DDX23: variants seen among roughly 807,000 people sequenced by gnomAD.
The protein encoded by DDX23 is probable ATP-dependent RNA helicase DDX23.
DDX23 carries 33 observed loss-of-function variants against 102.7 expected under a neutral mutation model. That is an observed-to-expected ratio of 0.32 (90% CI 0.24 to 0.43). DDX23 has a LOEUF of 0.43. DDX23 is among the 20% of genes least tolerant of loss of function. DDX23 has a pLI of 1.00. For synonymous variants in DDX23, 352 were observed against 376.0 expected (o/e 0.94, Z 0.74); for missense variants, 549 against 1,086.6 (o/e 0.51, Z 6.96).
chr12:48,842,547 G>T (rs1273782698), intron 3 of DDX23, among the ~76,000 whole-genome samples: 1 of 141,324 alleles, frequency 7.1e-6, no homozygotes, highest in African/African-American at 2.6e-5. Context: ...GGAGGGAGGT[G>T]GGGGGGTCAG....
intron 1 of DDX23, among the ~76,000 whole-genome samples, chr12:48,849,592 C>T (rs185494354): frequency 9.1e-4 from 137 of 150,502 alleles, no homozygotes; most frequent in African/African-American, 2.5e-3. Context: ...CCAGGAGGTG[C>T]GGGTTGTTGT....
chr12:48,838,360 G>C (rs1938495404), intron 5 of DDX23, among the ~76,000 whole-genome samples: 1 of 152,104 alleles, frequency 6.6e-6, no homozygotes, highest in African/African-American at 2.4e-5. Context: ...AGACCAGCCT[G>C]GGCAACATAG....
At chr12:48,838,184 T>A in intron 5 of DDX23, 104 bp from the exon 6 acceptor site, 1 of 1,534,824 alleles carries the variant, frequency 6.5e-7, no homozygotes, top group Non-Finnish European at 8.8e-7. Context: ...GCTCAGGCAT[T>A]AAGCCTGTTG....
In DDX23 at chr12:48,836,310, T is replaced by C. The variant is rs370599458; in HGVS notation, c.1237-44A>G. 5 of 1,603,668 alleles carry C rather than the reference T, an allele frequency of 3.1e-6. No individual in the cohort carries two copies. The highest frequency in any genetic ancestry group is 1.3e-5 in the African/African-American group (1 of 74,730). On this transcript the variant is annotated intron_variant, in intron 10 of 16. Transcript: ENST00000308025. The surrounding 1 kb of genome is among the most constrained non-coding windows in gnomAD (Gnocchi z 6.1). Reference sequence around the variant, plus strand: ...AGAGTAATAGGTACAGGGAGAGTTATACCACCTGGGCAACCACTGATAGTA... The same window carrying C: ...AGAGTAATAGGTACAGGGAGAGTTACACCACCTGGGCAACCACTGATAGTA...
chr12:48,835,181 G>C, intron 11 of DDX23: 1 of 273,474 alleles, frequency 3.7e-6, no homozygotes, highest in Non-Finnish European at 7.8e-6. Flanking sequence ...GGCAACGGTT[G>C]CTGTAAGCCA....
intron 3 of DDX23, among the ~76,000 whole-genome samples, chr12:48,843,733 A>G (rs1592203977): frequency 6.6e-6 from 1 of 151,946 alleles, no homozygotes; most frequent in South Asian, 2.1e-4. Context: ...TATATTTAGT[A>G]GAGACGGGGT....
At position 48,832,744 on chromosome 12, in the gene DDX23, A is replaced by G; in HGVS notation, c.1804-171T>C. The G allele has an allele frequency of 4.9e-6, 4 of 814,736 alleles. No homozygotes were observed. The highest frequency in any genetic ancestry group is 5.5e-6 in the Non-Finnish European group (3 of 540,746). The allele number at this position is 814,736 out of a possible 1,614,324, so 50.5% of individuals were successfully genotyped here. A position where few individuals can be genotyped will look rare whatever the true frequency, so the allele number is the denominator to read the frequency against. ...CTCTGAATTCCCATCCTTCCTGAGTACCTGCTCATCAAGGCACTTTCCATC... is the reference window on the plus strand; with the variant it reads ...CTCTGAATTCCCATCCTTCCTGAGTGCCTGCTCATCAAGGCACTTTCCATC... On this transcript the variant is annotated intron_variant, in intron 13 of 16. Coordinates refer to ENST00000308025, the MANE Select transcript of DDX23 (RefSeq NM_004818.3). This position sits in a 1 kb window ranked among gnomAD's most constrained non-coding sequence, Gnocchi z 4.4.
rs1021203834 is a variant in DDX23 at position 48,837,823 on chromosome 12, C to T, written c.619+119G>A. 1.2e-4 allele frequency: 183 copies of T among 1,541,288 alleles called. No individual in the cohort carries two copies. In the East Asian group the frequency reaches 4.1e-3, roughly 34 times the overall value. ...AAAAATGTTTTCTCATAAACTCCCACCATCCTTCCCCTTTCCAAACTCCAG... is the reference window on the plus strand; with the variant it reads ...AAAAATGTTTTCTCATAAACTCCCATCATCCTTCCCCTTTCCAAACTCCAG... On this transcript the variant is annotated intron_variant, in intron 6 of 16. Coordinates refer to ENST00000308025, the MANE Select transcript of DDX23 (RefSeq NM_004818.3).
Position 48,837,590 on chromosome 12 carries a change from C to T in DDX23, c.687G>A (p.Glu229=). 6.2e-7 allele frequency: 1 copy of T among 1,614,168 alleles called. No individual in the cohort carries two copies. The highest frequency in any genetic ancestry group is 8.5e-7 in the Non-Finnish European group (1 of 1,180,030). ...ERMERETNGN[E]DEEGRQKIRE... ...GGATCTTCTGCCGCCCTTCCTCATCCTCATTTCCATTGGTCTCCCGTTCCA... is the reference window on the plus strand; with the variant it reads ...GGATCTTCTGCCGCCCTTCCTCATCTTCATTTCCATTGGTCTCCCGTTCCA... Residue 229 remains glutamate (E), a synonymous_variant, in exon 7 of 17, where the codon GAG becomes GAA. Coordinates refer to ENST00000308025, the MANE Select transcript of DDX23 (RefSeq NM_004818.3).
chr12:48,843,866 G>C (rs1592204034), intron 3 of DDX23, 74 bp downstream of exon 3: 1 of 1,520,680 alleles, frequency 6.6e-7, no homozygotes, highest in East Asian at 2.3e-5. Context: ...ACTTTCATAA[G>C]AAGCTGAGCA....
chr12:48,842,328 C>T, intron 3 of DDX23, among the ~76,000 whole-genome samples: 1 of 141,618 alleles, frequency 7.1e-6, no homozygotes, highest in Admixed American at 6.9e-5. Context: ...AGGGGCGCCT[C>T]TGCCCGGCCG....
intron 8 of DDX23, 23 bp from the exon 9 acceptor site, chr12:48,837,060 G>A (rs747416555): frequency 3.8e-5 from 61 of 1,610,362 alleles, no homozygotes; most frequent in Non-Finnish European, 4.8e-5. Context: ...TAGAGGAAAA[G>A]AAAAAAGAAG....
In DDX23 at chr12:48,836,515, C is replaced by T. The variant is rs528290053; in HGVS notation, c.1236+54G>A. 1.3e-6 allele frequency: 2 copies of T among 1,557,408 alleles called. No individual in the cohort carries two copies. The highest frequency in any genetic ancestry group is 1.8e-6 in the Non-Finnish European group (2 of 1,134,788). Reference sequence around the variant, plus strand: ...AGTCAAGGAACAAAGTTCTCTATTCCCAAACTAGTGTAGGAACATGTCAGA... The same window carrying T: ...AGTCAAGGAACAAAGTTCTCTATTCTCAAACTAGTGTAGGAACATGTCAGA... On this transcript the variant is annotated intron_variant, in intron 10 of 16. Transcript: ENST00000308025. This position sits in a 1 kb window ranked among gnomAD's most constrained non-coding sequence, Gnocchi z 6.1.
Position 48,841,918 on chromosome 12 carries a change from G to A in DDX23, c.321-1812C>T, listed in dbSNP as rs1445361833. On this transcript the variant is annotated intron_variant, in intron 3 of 16. Coordinates refer to ENST00000308025, the MANE Select transcript of DDX23 (RefSeq NM_004818.3). ...AAGTGAGGAGCGTCTCTGCCAGGCC[G>A]CCCATCGTCTGAGATGTGGGGAGCG... 2.1e-4 allele frequency among the ~76,000 whole-genome samples: 31 copies of A among 150,730 alleles called. No individual in the cohort carries two copies. The South Asian group carries it at 2.1e-3, about 10-fold the overall frequency.
At chr12:48,842,411 C>A (rs1938576924) in intron 3 of DDX23, among the ~76,000 whole-genome samples, 1 of 141,420 alleles carries the variant, frequency 7.1e-6, no homozygotes, top group Non-Finnish European at 1.6e-5. Flanking sequence ...GGGAGGTCAG[C>A]CCCCCGCCCG....
chr12:48,837,669 A>G lies in DDX23; in HGVS notation c.620-12T>C, dbSNP rs1321058028. 3.7e-6 allele frequency: 6 copies of G among 1,614,100 alleles called. No individual in the cohort carries two copies. Among genetic ancestry groups the G allele is most frequent in the Non-Finnish European group, 5.1e-6 (6 of 1,179,990 alleles). ...TTCCTGAGGATCTTCTGCAGACCAAAGAAAGCAAAGCTGCAGAAGAGCTCA... is the reference window on the plus strand; with the variant it reads ...TTCCTGAGGATCTTCTGCAGACCAAGGAAAGCAAAGCTGCAGAAGAGCTCA... On this transcript the variant is annotated splice_polypyrimidine_tract_variant and intron_variant, in intron 6 of 16. Coordinates refer to ENST00000308025, the MANE Select transcript of DDX23 (RefSeq NM_004818.3).
intron 3 of DDX23, among the ~76,000 whole-genome samples, chr12:48,842,081 C>G (rs1938563336): frequency 6.6e-6 from 1 of 151,852 alleles, no homozygotes; most frequent in African/African-American, 2.4e-5. Flanking sequence ...GCCACATCGT[C>G]TGAGAAGTGA....
intron 5 of DDX23, among the ~76,000 whole-genome samples, chr12:48,838,988 G>A (rs919953788): frequency 2.6e-5 from 4 of 151,874 alleles, no homozygotes; most frequent in South Asian, 2.1e-4. Context: ...CAATATCCTT[G>A]CCTCAGCCTC....
intron 2 of DDX23, among the ~76,000 whole-genome samples, chr12:48,845,107 G>A (rs1260116844): frequency 9.5e-5 from 14 of 147,690 alleles, no homozygotes; most frequent in African/African-American, 2.8e-4. Context: ...AGCCGAGATC[G>A]TGCCATTGCA....
Sources: gnomAD v4.1 joint callset for allele counts (sites outside exome capture counted in the v4.1 genomes callset) on GRCh38, gnomAD v4.1.1 for gene constraint, Gnocchi (gnomAD v3.1) non-coding constraint, MANE v1.5 for transcripts, NCBI Gene and HGNC (gene_info 2026-07-23, HGNC 2026-07-21) for gene names.